Variants in TBX1 observed in about 807,000 individuals in gnomAD.
TBX1 encodes the protein T-box transcription factor TBX1.
TBX1 carries 16 observed loss-of-function variants against 40.8 expected under a neutral mutation model. The ratio of observed to expected loss-of-function variants is 0.39; its 90% CI spans 0.27 to 0.60. The LOEUF is 0.60. Ranked by LOEUF, TBX1 falls within the 20% of genes least tolerant of loss-of-function variation. The pLI is 0.51. For synonymous variants in TBX1, 403 were observed against 336.8 expected (o/e 1.20, Z -2.15); for missense variants, 755 against 728.5 (o/e 1.04, Z -0.42).
intron 8 of TBX1, among the ~76,000 whole-genome samples, chr22:19,775,681 T>C (rs1332306747): frequency 6.6e-6 from 1 of 151,958 alleles, no homozygotes; most frequent in African/African-American, 2.4e-5. Flanking sequence ...TGTGGCGAGG[T>C]CTTCCCACAT....
chr22:19,777,621 C>G (rs1937086399), intron 8 of TBX1, among the ~76,000 whole-genome samples: 1 of 152,138 alleles, frequency 6.6e-6, no homozygotes, highest in Non-Finnish European at 1.5e-5. Flanking sequence ...GCGTGCTGGC[C>G]TTTCCCATGC....
chr22:19,758,924 G>A (rs1183584925), upstream of TBX1, among the ~76,000 whole-genome samples: 5 of 152,166 alleles, frequency 3.3e-5, no homozygotes, highest in South Asian at 4.1e-4. Context: ...AACAGAGGAC[G>A]CTGCGGCCCT....
downstream of TBX1, chr22:19,782,761 C>G: frequency 7.3e-7 from 1 of 1,370,632 alleles, no homozygotes; most frequent in South Asian, 1.2e-5. Context: ...GATTCTAGCT[C>G]CTTCCCTGTT....
chr22:19,764,746 C>A (rs1037981385), intron 3 of TBX1, among the ~76,000 whole-genome samples: 12 of 152,246 alleles, frequency 7.9e-5, no homozygotes, highest in Admixed American at 6.5e-4. Flanking sequence ...AAACCCAGAT[C>A]TTTTGCCACT....
downstream of TBX1, among the ~76,000 whole-genome samples, chr22:19,771,139 C>T (rs1936983327): frequency 6.6e-6 from 1 of 152,178 alleles, no homozygotes; most frequent in Non-Finnish European, 1.5e-5. Context: ...CATCCTGCCT[C>T]TCCTCCTTGC....
In TBX1 at chr22:19,765,117, AG is replaced by A. The variant is rs781488741; in HGVS notation, c.867+7del. On this transcript the variant is annotated splice_donor_5th_base_variant and intron_variant, in intron 4 of 6. Coordinates refer to ENST00000649276, the MANE Select transcript of TBX1 (RefSeq NM_001379200.1). Reference sequence around the variant, plus strand: ...CACTGCCTACCAGAACCATCGGGTGAGGGCCTGTGGGGAGGACCTGAGCGGA... The same window carrying A: ...CACTGCCTACCAGAACCATCGGGTGAGGCCTGTGGGGAGGACCTGAGCGGA... The A allele has an allele frequency of 3.1e-6, 5 of 1,614,018 alleles. No individual in the cohort carries two copies. The highest frequency in any genetic ancestry group is 1.3e-5 in the African/African-American group (1 of 74,934).
chr22:19,761,343 C>G, intron 1 of TBX1, 63 bp downstream of exon 1: 1 of 1,453,050 alleles, frequency 6.9e-7, no homozygotes, highest in Non-Finnish European at 9.2e-7. Flanking sequence ...CTGCGGGCCT[C>G]CGCCTGATCC....
intron 8 of TBX1, among the ~76,000 whole-genome samples, chr22:19,776,312 C>T (rs1281406724): frequency 5.9e-5 from 9 of 152,146 alleles, no homozygotes; most frequent in Non-Finnish European, 8.8e-5. Context: ...AGGAGGAAGA[C>T]GTGTGGCCCC....
Position 19,767,097 on chromosome 22 carries a change from C to T in TBX1, c.*230C>T, listed in dbSNP as rs1294882438. 4 of 1,262,760 alleles carry T rather than the reference C, an allele frequency of 3.2e-6. No homozygotes were observed. The highest frequency in any genetic ancestry group is 6.7e-5 in the East Asian group (2 of 29,798). 78.2% of individuals were successfully genotyped at this position (1,262,760 alleles called of 1,614,324 possible). ...CCCTGGAGCCACCGCGGGTCCTTCC[C>T]CGGCCCCGAGGGCCAAGGGGGTCCC... is the stretch of plus-strand genomic sequence containing the variant. On this transcript the variant is annotated 3_prime_UTR_variant, in exon 7 of 7. Transcript: ENST00000649276.
At chr22:19,760,669 CCGCGCGGGGGTGGGGG>C (rs1936620867), upstream of TBX1, among the ~76,000 whole-genome samples, 1 of 23,800 alleles carries the variant, frequency 4.2e-5, no homozygotes, top group Admixed American at 5.9e-4. Context: ...TCCATTGTCT[CCGCGCGGGGGTGGGGG>C]GGCCCCGGGC....
intron 2 of TBX1, 43 bp downstream of exon 2, chr22:19,763,385 T>A: frequency 6.3e-7 from 1 of 1,596,054 alleles, no homozygotes; most frequent in Middle Eastern, 1.7e-4. Flanking sequence ...GAGGGCACCC[T>A]GGAAAGTGGC....
In TBX1 at chr22:19,766,735, G is replaced by GCACCAC. The variant is rs753713234; in HGVS notation, c.1394_1399dup (p.His465_His466dup). 4 of 1,541,790 alleles carry GCACCAC rather than the reference G, an allele frequency of 2.6e-6. No individual in the cohort carries two copies. In the African/African-American group the frequency reaches 5.7e-5, roughly 22 times the overall value. On this transcript the variant is annotated inframe_insertion, in exon 7 of 7. Transcript: ENST00000649276. ...ACGGCTACCACCCGCACGCGCATCC[G>GCACCAC]CACCACCACCACCACCCCGTGAGTC... is the stretch of plus-strand genomic sequence containing the variant.
chr22:19,770,495 G>C (rs1936971847), downstream of TBX1, among the ~76,000 whole-genome samples: 1 of 152,266 alleles, frequency 6.6e-6, no homozygotes, highest in South Asian at 2.1e-4. Flanking sequence ...ACCCAGGAAA[G>C]CACTGGAGGT....
intron 4 of TBX1, 86 bp from the exon 5 acceptor site, chr22:19,765,672 C>T: frequency 6.8e-7 from 1 of 1,479,156 alleles, no homozygotes; most frequent in Non-Finnish European, 9.3e-7. Context: ...TGGTGCGCTT[C>T]TCCTAACACT....
intron 4 of TBX1, 89 bp downstream of exon 4, chr22:19,765,202 C>A: frequency 6.3e-7 from 1 of 1,585,170 alleles, no homozygotes; most frequent in South Asian, 1.1e-5. Flanking sequence ...ACAGTGGGTC[C>A]GCTTAGACCT....
chr22:19,781,356 A>G (rs1937140923), downstream of TBX1, among the ~76,000 whole-genome samples: 1 of 152,146 alleles, frequency 6.6e-6, no homozygotes. Context: ...AACTGGGTAC[A>G]TACCACGGCA....
At chr22:19,780,746 G>C (rs1363634326), downstream of TBX1, among the ~76,000 whole-genome samples, 1 of 150,356 alleles carries the variant, frequency 6.7e-6, no homozygotes, top group East Asian at 1.9e-4. Context: ...AGCGCACAAG[G>C]GTTCAGATTT....
At chr22:19,758,354 G>C (rs749340634), upstream of TBX1, among the ~76,000 whole-genome samples, 4 of 152,236 alleles carry the variant, frequency 2.6e-5, no homozygotes, top group Non-Finnish European at 5.9e-5. Context: ...GCACAGAGCT[G>C]AGGTTGACAC....
upstream of TBX1, among the ~76,000 whole-genome samples, chr22:19,757,745 G>A (rs1045694919): frequency 6.6e-6 from 1 of 152,218 alleles, no homozygotes; most frequent in African/African-American, 2.4e-5. Flanking sequence ...CAGAGAGGAA[G>A]GAAAGGGGCC....
Sources: gnomAD v4.1 joint callset for allele counts (sites outside exome capture counted in the v4.1 genomes callset) on GRCh38, gnomAD v4.1.1 for gene constraint, MANE v1.5 for transcripts, NCBI Gene and HGNC (gene_info 2026-07-23, HGNC 2026-07-21) for gene names.